RAB8B: variants seen among roughly 807,000 people sequenced by gnomAD.
RAB8B encodes ras-related protein Rab-8B.
In RAB8B, 11 loss-of-function variants were observed where a neutral mutation model predicts 32.0. That is an observed-to-expected ratio of 0.34 (90% CI 0.22 to 0.57). RAB8B has a LOEUF of 0.57. Ranked by LOEUF, RAB8B falls within the 20% of genes least tolerant of loss-of-function variation. The probability of loss-of-function intolerance (pLI) is 0.86; values close to 1 mark genes in which losing one functional copy is unlikely to be tolerated. For synonymous variants in RAB8B, 103 were observed against 89.6 expected, an observed-to-expected ratio of 1.15 and a Z score of -0.85; for missense variants, 190 against 258.5, an observed-to-expected ratio of 0.73 and a Z score of 1.82.
intron 3 of RAB8B, among the ~76,000 whole-genome samples, chr15:63,254,988 A>G (rs1056729470): frequency 1.3e-5 from 2 of 152,230 alleles, no homozygotes; most frequent in African/African-American, 4.8e-5. Flanking sequence ...TAACAAATGC[A>G]TTGGATTTTA....
intron 1 of RAB8B, among the ~76,000 whole-genome samples, chr15:63,216,874 A>T: frequency 6.6e-6 from 1 of 151,922 alleles, no homozygotes; most frequent in East Asian, 1.9e-4. Context: ...AAAAAAAAAA[A>T]AAAGTTTTGA....
chr15:63,212,715 A>G (rs2037758388), intron 1 of RAB8B, among the ~76,000 whole-genome samples: 1 of 152,200 alleles, frequency 6.6e-6, no homozygotes, highest in Non-Finnish European at 1.5e-5. Context: ...ATATTTCCGT[A>G]TTCCCTAAAA....
chr15:63,207,685 G>A (rs190516888), intron 1 of RAB8B, among the ~76,000 whole-genome samples: 1 of 151,544 alleles, frequency 6.6e-6, no homozygotes, highest in African/African-American at 2.4e-5. Flanking sequence ...TCAGCCTCTC[G>A]AGTAGCTGGG....
At chr15:63,229,780 CAAAAAAAAAAAAA>C (rs56015501) in intron 1 of RAB8B, among the ~76,000 whole-genome samples, 5,400 of 35,950 alleles carry the variant, frequency 0.15, 315 homozygotes, top group East Asian at 0.36. Flanking sequence ...GACGCTGTTT[CAAAAAAAAAAAAA>C]AAAAAAAAAA....
At chr15:63,216,450 A>C (rs2037793134) in intron 1 of RAB8B, among the ~76,000 whole-genome samples, 1 of 151,688 alleles carries the variant, frequency 6.6e-6, no homozygotes, top group Admixed American at 6.6e-5. Flanking sequence ...GTTGGTCTTG[A>C]ACTCGTGAGC....
chr15:63,196,056 C>T (rs2037597424), intron 1 of RAB8B, among the ~76,000 whole-genome samples: 1 of 152,164 alleles, frequency 6.6e-6, no homozygotes, highest in African/African-American at 2.4e-5. Flanking sequence ...GGCGTGGCTG[C>T]TTTTTATTTG....
In RAB8B at chr15:63,227,628, G is replaced by C. The variant is rs2037899903; in HGVS notation, c.125-17128G>C. ...TCATGTATGGAAACATTCTGGCTCT[G>C]TCCACCCAGGAACCCAGAATTCTTC... On this transcript the variant is annotated intron_variant, in intron 1 of 7. Transcript: ENST00000321437. Among the ~76,000 whole-genome samples the C allele has an allele frequency of 2.0e-5, 3 of 152,158 alleles. No homozygotes were observed. In the South Asian group the frequency reaches 6.2e-4, roughly 32 times the overall value.
At chr15:63,249,844 G>T in intron 3 of RAB8B, 139 bp downstream of exon 3, 2 of 933,830 alleles carry the variant, frequency 2.1e-6, no homozygotes, top group East Asian at 6.0e-5. Flanking sequence ...ACATTTAAAA[G>T]GTTTTTTGGG....
At chr15:63,246,966 TTA>T (rs1400770408) in intron 2 of RAB8B, among the ~76,000 whole-genome samples, 2 of 152,174 alleles carry the variant, frequency 1.3e-5, no homozygotes, top group Non-Finnish European at 2.9e-5. Context: ...ATGTTTCTTA[TTA>T]TATGTGTTCC....
chr15:63,217,779 A>G (rs544171377), intron 1 of RAB8B, among the ~76,000 whole-genome samples: 2 of 152,330 alleles, frequency 1.3e-5, no homozygotes, highest in Non-Finnish European at 2.9e-5. Context: ...CGGGAGAGAG[A>G]AGGGTAGATC....
chr15:63,236,588 G>T lies in RAB8B; in HGVS notation c.125-8168G>T, dbSNP rs184928673. ...TGCCAAAAAATGATGTTCTCAAAAA[G>T]ACTTTTGAAATACAAAAAGTCTTTT... On this transcript the variant is annotated intron_variant, in intron 1 of 7. Transcript: ENST00000321437. Among the ~76,000 whole-genome samples the T allele has an allele frequency of 3.3e-5, 5 of 152,012 alleles. No individual in the cohort carries two copies. In the East Asian group the frequency reaches 9.7e-4, roughly 29 times the overall value.
chr15:63,248,081 C>T lies in RAB8B; in HGVS notation c.186-1564C>T, dbSNP rs1198311898. Among the ~76,000 whole-genome samples, 1 of 152,210 alleles carries T rather than the reference C, an allele frequency of 6.6e-6. No homozygotes were observed. The highest frequency in any genetic ancestry group is 2.4e-5 in the African/African-American group (1 of 41,450). On this transcript the variant is annotated intron_variant, in intron 2 of 7. Transcript: ENST00000321437. This position sits in a 1 kb window ranked among gnomAD's most constrained non-coding sequence, Gnocchi z 4.4. ...AAAAAGTGCTTGCCTTCCATTTCCC[C>T]ATGATTTGTTAGCGGTGCAGCAAAC...
At chr15:63,232,446 G>C (rs1437462306) in intron 1 of RAB8B, among the ~76,000 whole-genome samples, 1 of 152,134 alleles carries the variant, frequency 6.6e-6, no homozygotes, top group Non-Finnish European at 1.5e-5. Flanking sequence ...TTATGAGTTT[G>C]TTATATTTTG....
At chr15:63,228,570 T>C (rs2037908263) in intron 1 of RAB8B, among the ~76,000 whole-genome samples, 1 of 152,240 alleles carries the variant, frequency 6.6e-6, no homozygotes, top group Non-Finnish European at 1.5e-5. Flanking sequence ...GTTTCCCACA[T>C]GCTGTCTTGC....
At chr15:63,190,330 A>G (rs947457732) in intron 1 of RAB8B, among the ~76,000 whole-genome samples, 1 of 152,096 alleles carries the variant, frequency 6.6e-6, no homozygotes, top group Non-Finnish European at 1.5e-5. Context: ...CTGGACTGAG[A>G]TGTCGTAGGA....
chr15:63,256,573 G>T lies in RAB8B; in HGVS notation c.393G>T (p.Val131=). 1 of 1,602,468 alleles carries T rather than the reference G, an allele frequency of 6.2e-7. No individual in the cohort carries two copies. The highest frequency in any genetic ancestry group is 8.5e-7 in the Non-Finnish European group (1 of 1,175,398). The change falls in exon 5 of 8, where the codon GTG becomes GTT. Residue 131 remains valine (V), a synonymous_variant. Coordinates refer to ENST00000321437, the MANE Select transcript of RAB8B (RefSeq NM_016530.3). ...GTGATATGAATGACAAAAGACAAGTGTCAAAAGAAAGAGGGGAGAAGGTAA... is the reference window on the plus strand; with the variant it reads ...GTGATATGAATGACAAAAGACAAGTTTCAAAAGAAAGAGGGGAGAAGGTAA... ...NKCDMNDKRQ[V]SKERGEKLAI...
At chr15:63,235,018 C>T (rs919337923) in intron 1 of RAB8B, among the ~76,000 whole-genome samples, 36 of 152,200 alleles carry the variant, frequency 2.4e-4, no homozygotes, top group African/African-American at 8.7e-4. Flanking sequence ...CACTTCCCTG[C>T]TCTGCCCCTC....
chr15:63,204,598 A>G (rs2037682124), intron 1 of RAB8B, among the ~76,000 whole-genome samples: 1 of 152,194 alleles, frequency 6.6e-6, no homozygotes, highest in African/African-American at 2.4e-5. Flanking sequence ...GCATACATGA[A>G]TTCGAACAAT....
intron 1 of RAB8B, among the ~76,000 whole-genome samples, chr15:63,219,321 GAGAA>G (rs1449202315): frequency 1.3e-5 from 2 of 151,404 alleles, no homozygotes; most frequent in East Asian, 3.9e-4. Flanking sequence ...GAAAGAAAGA[GAGAA>G]AGAGATCGAG....
Sources: gnomAD v4.1 joint callset for allele counts (sites outside exome capture counted in the v4.1 genomes callset) on GRCh38, gnomAD v4.1.1 for gene constraint, Gnocchi (gnomAD v3.1) non-coding constraint, MANE v1.5 for transcripts, NCBI Gene and HGNC (gene_info 2026-07-23, HGNC 2026-07-21) for gene names.